The following IPP variants were observed in gnomAD, a reference collection of about 807,000 sequenced individuals.
IPP encodes the protein actin-binding protein IPP.
IPP carries 41 observed loss-of-function variants against 64.1 expected under a neutral mutation model. The ratio of observed to expected loss-of-function variants is 0.64; its 90% CI spans 0.50 to 0.83. IPP has a LOEUF of 0.83. Ranked by LOEUF, IPP falls within the 40% of genes least tolerant of loss-of-function variation. The pLI is 0.00. For missense variants in IPP, 649 were observed against 703.0 expected (o/e 0.92, Z 0.87); for synonymous variants, 214 against 235.2 (o/e 0.91, Z 0.83).
chr1:45,731,781 C>A (rs1478165512), intron 3 of IPP, among the ~76,000 whole-genome samples: 1 of 151,794 alleles, frequency 6.6e-6, no homozygotes, highest in Non-Finnish European at 1.5e-5. Context: ...CTAAAAAATA[C>A]AAAAATTAGC....
In IPP at chr1:45,698,721, T is replaced by TA; in HGVS notation, c.*1244_*1245insT. The stretch of plus-strand genomic sequence containing the variant: ...AAAAAGGAAGAATTTTTTTTTCTTT[T>TA]TTTTTTTTTTTTTTTGAGACAGGTT... On this transcript the variant is annotated 3_prime_UTR_variant, in exon 9 of 9. Coordinates refer to ENST00000396478, the MANE Select transcript of IPP (RefSeq NM_005897.3). 1 of 379,592 alleles carries TA rather than the reference T, an allele frequency of 2.6e-6. No homozygotes were observed. Among genetic ancestry groups the TA allele is most frequent in the Non-Finnish European group, 3.1e-6 (1 of 320,134 alleles). The allele number at this position is 379,592 out of a possible 1,614,324, so 23.5% of individuals were successfully genotyped here.
At chr1:45,746,058 C>T in intron 2 of IPP, 62 bp downstream of exon 2, 2 of 1,355,200 alleles carry the variant, frequency 1.5e-6, no homozygotes, top group East Asian at 2.3e-5. Flanking sequence ...TTTATATTTC[C>T]ACATTAGTGC....
At chr1:45,745,627 G>A (rs546189339) in intron 2 of IPP, among the ~76,000 whole-genome samples, 1 of 152,144 alleles carries the variant, frequency 6.6e-6, no homozygotes, top group East Asian at 1.9e-4. Context: ...GGGAGGCCAA[G>A]GCGGGCGGAT....
At chr1:45,701,534 G>A (rs11211170) in intron 8 of IPP, among the ~76,000 whole-genome samples, 42,998 of 152,002 alleles carry the variant, frequency 0.28, 6,207 homozygotes, top group South Asian at 0.36. Context: ...TGATCCACCC[G>A]CCTTGGCCTC....
At chr1:45,724,868 A>C (rs1570001561) in intron 5 of IPP, among the ~76,000 whole-genome samples, 1 of 139,470 alleles carries the variant, frequency 7.2e-6, no homozygotes, top group Admixed American at 7.1e-5. Context: ...CCCGGCAGCC[A>C]CCCCGTCGGG....
At chr1:45,701,153 T>TG (rs747224250) in intron 8 of IPP, among the ~76,000 whole-genome samples, 1 of 152,270 alleles carries the variant, frequency 6.6e-6, no homozygotes, top group Non-Finnish European at 1.5e-5. Flanking sequence ...AAGGATATTG[T>TG]GTATGGCCCA....
intron 5 of IPP, among the ~76,000 whole-genome samples, chr1:45,725,451 T>C (rs1645808539): frequency 7.7e-6 from 1 of 130,690 alleles, no homozygotes; most frequent in African/African-American, 3.0e-5. Flanking sequence ...AGCCGCCCCA[T>C]CCGGGAGGGA....
At chr1:45,728,171 T>TGC (rs1645858656) in intron 4 of IPP, among the ~76,000 whole-genome samples, 1 of 148,244 alleles carries the variant, frequency 6.7e-6, no homozygotes, top group Non-Finnish European at 1.5e-5. Context: ...TGTGTGTGTG[T>TGC]GTTTGAGGCA....
intron 3 of IPP, among the ~76,000 whole-genome samples, chr1:45,737,457 C>CTTTT (rs778748035): frequency 6.6e-5 from 8 of 121,238 alleles, no homozygotes; most frequent in Admixed American, 8.4e-5. Context: ...ATAAACAATT[C>CTTTT]TTTTTTTTTT....
chr1:45,735,653 TAG>T (rs1231765904), intron 3 of IPP, among the ~76,000 whole-genome samples: 3 of 123,274 alleles, frequency 2.4e-5, no homozygotes, highest in East Asian at 2.4e-4. Context: ...TTTTGTGAGA[TAG>T]AGTCTTGCTC....
Position 45,698,720 on chromosome 1 carries a change from T to C in IPP, c.*1246A>G, listed in dbSNP as rs1645410250. On this transcript the variant is annotated 3_prime_UTR_variant, in exon 9 of 9. Transcript: ENST00000396478. ...AAAAAAGGAAGAATTTTTTTTTCTT[T>C]TTTTTTTTTTTTTTTTGAGACAGGT... 2 of 207,954 alleles carry C rather than the reference T, an allele frequency of 9.6e-6. No homozygotes were observed. Among genetic ancestry groups the C allele is most frequent in the Non-Finnish European group, 1.2e-5 (2 of 165,554 alleles). 12.9% of individuals were successfully genotyped at this position (207,954 alleles called of 1,614,324 possible).
chr1:45,738,607 G>A (rs961145009), intron 3 of IPP, among the ~76,000 whole-genome samples: 1 of 151,906 alleles, frequency 6.6e-6, no homozygotes, highest in Middle Eastern at 3.2e-3. Context: ...TTGGGAGGCC[G>A]AAGCGGGTGG....
intron 3 of IPP, among the ~76,000 whole-genome samples, chr1:45,731,438 TCAAAA>T (rs1267897214): frequency 2.6e-5 from 4 of 152,078 alleles, no homozygotes; most frequent in Non-Finnish European, 5.9e-5. Context: ...AGACTCTGTC[TCAAAA>T]CAAAACAGAA....
At chr1:45,732,729 C>T (rs1336758931) in intron 3 of IPP, among the ~76,000 whole-genome samples, 3 of 152,024 alleles carry the variant, frequency 2.0e-5, no homozygotes, top group Non-Finnish European at 2.9e-5. Context: ...TGCAGTGGTG[C>T]GATCTCAGCT....
chr1:45,734,108 TATATAAA>T (rs1243916292), intron 3 of IPP, among the ~76,000 whole-genome samples: 28 of 152,006 alleles, frequency 1.8e-4, no homozygotes, highest in African/African-American at 6.8e-4. Context: ...TACAAATATA[TATATAAA>T]TAAGGGCTAT....
chr1:45,706,941 C>A (rs1057314795), intron 8 of IPP, among the ~76,000 whole-genome samples: 18 of 152,030 alleles, frequency 1.2e-4, no homozygotes, highest in Non-Finnish European at 2.2e-4. Flanking sequence ...TTACTCAAAC[C>A]AGGAATTTAA....
chr1:45,733,958 TTGA>T (rs1307523904), intron 3 of IPP, among the ~76,000 whole-genome samples: 3 of 152,176 alleles, frequency 2.0e-5, no homozygotes, highest in Admixed American at 6.5e-5. Flanking sequence ...AAAAAAGCAC[TTGA>T]TGATGAAATC....
At chr1:45,701,710 A>T (rs922212649) in intron 8 of IPP, among the ~76,000 whole-genome samples, 12 of 152,242 alleles carry the variant, frequency 7.9e-5, no homozygotes, top group African/African-American at 2.9e-4. Flanking sequence ...ACAGATTATC[A>T]ATCTTTAAAT....
intron 3 of IPP, among the ~76,000 whole-genome samples, chr1:45,732,706 G>A (rs1230732058): frequency 3.3e-5 from 5 of 151,794 alleles, no homozygotes; most frequent in African/African-American, 4.8e-5. Flanking sequence ...TAGCTCTGTC[G>A]CCCAGGCTGG....
Sources: allele counts gnomAD v4.1 joint callset (sites outside exome capture counted in the v4.1 genomes callset), GRCh38; gene constraint gnomAD v4.1.1; transcripts MANE v1.5; gene names NCBI Gene and HGNC (gene_info 2026-07-23, HGNC 2026-07-21).